Variants in NETO1 observed in about 807,000 individuals in gnomAD.
The protein encoded by NETO1 is neuropilin and tolloid like 1.
NETO1 carries 26 observed loss-of-function variants against 61.3 expected under a neutral mutation model. The observed-to-expected ratio is 0.42, with a 90% CI of 0.31 to 0.59. The LOEUF (loss-of-function observed/expected upper bound fraction) is 0.59. Among genes scored for constraint, NETO1 ranks in the 20% least tolerant of loss-of-function variants. The pLI is 0.12. For synonymous variants in NETO1, 225 were observed against 225.8 expected (o/e 1.00, Z 0.03); for missense variants, 531 against 662.8 (o/e 0.80, Z 2.18).
chr18:72,867,225 G>A, intron 1 of NETO1, 39 bp downstream of exon 1: 1 of 1,498,246 alleles, frequency 6.7e-7, no homozygotes, highest in Admixed American at 2.0e-5. Flanking sequence ...GGGAGGGCTG[G>A]CTCCGGGAGC....
At chr18:72,766,024 T>A (rs982424699) in intron 7 of NETO1, among the ~76,000 whole-genome samples, 2 of 151,996 alleles carry the variant, frequency 1.3e-5, no homozygotes, top group African/African-American at 4.8e-5. Context: ...TCGGTCAACA[T>A]GGTGAGAACT....
intron 7 of NETO1, among the ~76,000 whole-genome samples, chr18:72,774,039 A>G (rs1187315175): frequency 6.6e-6 from 1 of 152,128 alleles, no homozygotes; most frequent in Non-Finnish European, 1.5e-5. Context: ...ATTTTAGCAA[A>G]TTATTGTAAA....
At chr18:72,789,128 C>T (rs987506675) in intron 6 of NETO1, among the ~76,000 whole-genome samples, 2 of 151,004 alleles carry the variant, frequency 1.3e-5, no homozygotes, top group African/African-American at 2.4e-5. Flanking sequence ...TAGAATATTC[C>T]GTTTGGACGG....
In NETO1 at chr18:72,810,828, A is replaced by G. The variant is rs535812873; in HGVS notation, c.470-16424T>C. On this transcript the variant is annotated intron_variant, in intron 4 of 10. Coordinates refer to ENST00000327305, the MANE Select transcript of NETO1 (RefSeq NM_138966.5). ...TAATGGTCTGCAGCAACATAAATCA[A>G]TATCATATTTTTTAGGTTCGGTGAT... Among the ~76,000 whole-genome samples, 5 of 152,294 alleles carry G rather than the reference A, an allele frequency of 3.3e-5. No individual in the cohort carries two copies. In the South Asian group the frequency reaches 6.2e-4, roughly 19 times the overall value.
chr18:72,862,622 C>CTTTTTTTTT (rs11453772), intron 3 of NETO1, among the ~76,000 whole-genome samples: 9 of 122,398 alleles, frequency 7.4e-5, no homozygotes, highest in African/African-American at 2.1e-4. Context: ...CTTTTTTTTT[C>CTTTTTTTTT]TTTTTTTTTT....
chr18:72,844,806 C>G (rs986399483), intron 4 of NETO1, among the ~76,000 whole-genome samples: 3 of 151,972 alleles, frequency 2.0e-5, no homozygotes, highest in African/African-American at 4.8e-5. Context: ...AGCTTGGTGT[C>G]CATATAGAGA....
chr18:72,848,963 A>AT (rs201983119), intron 4 of NETO1, among the ~76,000 whole-genome samples: 3 of 151,950 alleles, frequency 2.0e-5, no homozygotes, highest in Non-Finnish European at 4.4e-5. Context: ...TCTTCATAGA[A>AT]TTTTTTTTCT....
intron 4 of NETO1, among the ~76,000 whole-genome samples, chr18:72,840,698 C>A (rs2073902958): frequency 6.6e-6 from 1 of 152,106 alleles, no homozygotes; most frequent in African/African-American, 2.4e-5. Flanking sequence ...CTTAACCAAC[C>A]ATTCAGATAA....
At chr18:72,838,060 G>A (rs546784194) in intron 4 of NETO1, among the ~76,000 whole-genome samples, 34 of 148,882 alleles carry the variant, frequency 2.3e-4, no homozygotes, top group African/African-American at 7.2e-4. Flanking sequence ...AACATTCTCC[G>A]TCCCCATCAC....
intron 8 of NETO1, among the ~76,000 whole-genome samples, chr18:72,753,080 G>T (rs1181079676): frequency 4.6e-5 from 7 of 151,954 alleles, no homozygotes; most frequent in African/African-American, 1.7e-4. Context: ...AGGAGAGATG[G>T]AAAGTAACAG....
chr18:72,814,445 A>T (rs1386605380), intron 4 of NETO1, among the ~76,000 whole-genome samples: 1 of 152,076 alleles, frequency 6.6e-6, no homozygotes, highest in Admixed American at 6.6e-5. Context: ...AAATTATAGT[A>T]AGAAGAAGAA....
At chr18:72,813,460 G>A (rs1243834476) in intron 4 of NETO1, among the ~76,000 whole-genome samples, 3 of 152,118 alleles carry the variant, frequency 2.0e-5, no homozygotes, top group Non-Finnish European at 4.4e-5. Flanking sequence ...CAGTGAAAAC[G>A]AAGAGAAGAA....
chr18:72,852,250 T>C (rs937420655), intron 4 of NETO1, among the ~76,000 whole-genome samples: 5 of 152,248 alleles, frequency 3.3e-5, no homozygotes, highest in African/African-American at 1.2e-4. Flanking sequence ...AGTCTCGCTC[T>C]GTGGCCCAGG....
intron 7 of NETO1, among the ~76,000 whole-genome samples, chr18:72,770,308 G>A (rs2071312220): frequency 6.6e-6 from 1 of 151,768 alleles, no homozygotes; most frequent in South Asian, 2.1e-4. Context: ...GCCTGCTGTT[G>A]TCTTACCAAT....
intron 4 of NETO1, among the ~76,000 whole-genome samples, chr18:72,815,798 T>A (rs964401070): frequency 6.6e-6 from 1 of 152,128 alleles, no homozygotes; most frequent in East Asian, 1.9e-4. Context: ...CTATCAGTTG[T>A]GGCTGGGAGA....
At chr18:72,815,564 T>C (rs1013434901) in intron 4 of NETO1, among the ~76,000 whole-genome samples, 7 of 152,154 alleles carry the variant, frequency 4.6e-5, no homozygotes, top group African/African-American at 1.7e-4. Flanking sequence ...TTTAATCTTA[T>C]TAATAATAAA....
At chr18:72,759,681 C>G (rs1309640729) in intron 7 of NETO1, among the ~76,000 whole-genome samples, 1 of 152,174 alleles carries the variant, frequency 6.6e-6, no homozygotes, top group Non-Finnish European at 1.5e-5. Context: ...CATGTATTCT[C>G]AGAAACTAAA....
chr18:72,742,717 CATT>C (rs1236168476), downstream of NETO1: 2 of 152,138 alleles, frequency 1.3e-5, no homozygotes, highest in Admixed American at 6.5e-5. Flanking sequence ...CTTGATTCAT[CATT>C]GTTTATTGTG....
chr18:72,742,968 A>C (rs17086279), downstream of NETO1, among the ~76,000 whole-genome samples: 4,242 of 152,168 alleles, frequency 0.028, 130 homozygotes, highest in African/African-American at 0.077. Flanking sequence ...GACATCTAAC[A>C]ATCTGCCCGT....
Sources: allele counts gnomAD v4.1 joint callset (sites outside exome capture counted in the v4.1 genomes callset), GRCh38; gene constraint gnomAD v4.1.1; transcripts MANE v1.5; gene names NCBI Gene and HGNC (gene_info 2026-07-23, HGNC 2026-07-21).